Variants in MAP2K5 observed in about 807,000 individuals in gnomAD.
The protein encoded by MAP2K5 is dual specificity mitogen-activated protein kinase kinase 5.
MAP2K5 carries 49 observed loss-of-function variants against 83.1 expected under a neutral mutation model. The observed-to-expected ratio is 0.59, with a 90% CI of 0.47 to 0.75. The LOEUF (loss-of-function observed/expected upper bound fraction) is 0.75, where lower values mean the gene tolerates loss of function less well. MAP2K5 is among the 30% of genes least tolerant of loss of function. MAP2K5 has a pLI of 0.00. For synonymous variants in MAP2K5, 202 were observed against 191.8 expected (o/e 1.05, Z -0.44); for missense variants, 457 against 557.5 (o/e 0.82, Z 1.82).
intron 13 of MAP2K5, among the ~76,000 whole-genome samples, chr15:67,688,014 A>G (rs2088000201): frequency 6.6e-6 from 1 of 152,206 alleles, no homozygotes; most frequent in South Asian, 2.1e-4. Flanking sequence ...ACTGCATACT[A>G]CGTGGTTAGG....
rs1296409720 is a variant in MAP2K5, at chr15:67,747,808, T to G, written c.1075-423T>G. Among the ~76,000 whole-genome samples the G allele has an allele frequency of 2.0e-5, 3 of 152,206 alleles. No homozygotes were observed. Among genetic ancestry groups the G allele is most frequent in the Non-Finnish European group, 4.4e-5 (3 of 68,034 alleles). ...GCAGACACTGGCAGGAATCCAAAAT[T>G]CTAATTTCTGACTATGATTTAATTT... On this transcript the variant is annotated intron_variant, in intron 17 of 21. Coordinates refer to ENST00000178640, the MANE Select transcript of MAP2K5 (RefSeq NM_145160.3). The surrounding 1 kb of genome is among the most constrained non-coding windows in gnomAD (Gnocchi z 4.1).
chr15:67,692,550 C>A lies in MAP2K5; in HGVS notation c.919C>A (p.Gln307Lys). 1 of 1,610,954 alleles carries A rather than the reference C, an allele frequency of 6.2e-7. No individual in the cohort carries two copies. Among genetic ancestry groups the A allele is most frequent in the South Asian group, 1.1e-5 (1 of 90,950 alleles). Residue 307 changes from glutamine to lysine, a missense_variant and splice_region_variant, in exon 14 of 22, where the codon CAG (glutamine) becomes AAG (lysine). Physicochemically the swap from Gln to Lys is moderately conservative, Grantham distance 53. This residue lies in a region of MAP2K5 where 168 missense variants were observed against 263.0 expected (regional missense o/e 0.64). Coordinates refer to ENST00000178640, the MANE Select transcript of MAP2K5 (RefSeq NM_145160.3). ...GCTGTGTGATTTTGGAGTTAGCACT[C>A]AGGTATGTCTCTTTTCCTCCCAGTG... ...VKLCDFGVST[Q>K]LVNSIAKTYV...
In MAP2K5 at chr15:67,717,095, T is replaced by A. The variant is rs1428407204; in HGVS notation, c.1045-10821T>A. On this transcript the variant is annotated intron_variant, in intron 16 of 21. Coordinates refer to ENST00000178640, the MANE Select transcript of MAP2K5 (RefSeq NM_145160.3). This position sits in a 1 kb window ranked among gnomAD's most constrained non-coding sequence, Gnocchi z 4.1. The stretch of plus-strand genomic sequence containing the variant: ...CTTTAGGAAAGTAGATCAAGTAGTT[T>A]GAAAAAAGAAGAGATGAATGGTAAA... 6.6e-6 allele frequency among the ~76,000 whole-genome samples: 1 copy of A among 152,092 alleles called. No individual in the cohort carries two copies. The highest frequency in any genetic ancestry group is 1.5e-5 in the Non-Finnish European group (1 of 68,018).
chr15:67,732,563 G>GA (rs892341051), intron 17 of MAP2K5, among the ~76,000 whole-genome samples: 1 of 152,054 alleles, frequency 6.6e-6, no homozygotes, highest in Non-Finnish European at 1.5e-5. Context: ...TTAAAAAAAG[G>GA]AAAAAAATCT....
chr15:67,645,898 T>G (rs183577893), intron 9 of MAP2K5, among the ~76,000 whole-genome samples: 13 of 152,274 alleles, frequency 8.5e-5, no homozygotes, highest in Admixed American at 2.0e-4. Context: ...ATTCCTATGC[T>G]CCTCTTTTGA....
In MAP2K5 at chr15:67,746,319, C is replaced by G. The variant is rs532474054; in HGVS notation, c.1075-1912C>G. On this transcript the variant is annotated intron_variant, in intron 17 of 21. Transcript: ENST00000178640. This position sits in a 1 kb window ranked among gnomAD's most constrained non-coding sequence, Gnocchi z 4.1. Reference sequence around the variant, plus strand: ...AGAGAATGTTGTCATCCCCCTGACTCTTGGAAATTTGTGAAACACATTCTC... The same window carrying G: ...AGAGAATGTTGTCATCCCCCTGACTGTTGGAAATTTGTGAAACACATTCTC... Among the ~76,000 whole-genome samples the G allele has an allele frequency of 2.0e-5, 3 of 152,082 alleles. No individual in the cohort carries two copies. Among genetic ancestry groups the G allele is most frequent in the Non-Finnish European group, 4.4e-5 (3 of 68,028 alleles).
chr15:67,651,697 T>C (rs964682123), intron 11 of MAP2K5, among the ~76,000 whole-genome samples: 2 of 152,242 alleles, frequency 1.3e-5, no homozygotes, highest in Admixed American at 6.5e-5. Flanking sequence ...TTTCATTCTT[T>C]TTATGGCTGA....
At chr15:67,549,953 C>A in intron 1 of MAP2K5, 81 bp from the exon 2 acceptor site, 1 of 1,010,316 alleles carries the variant, frequency 9.9e-7, no homozygotes, top group Non-Finnish European at 1.6e-6. Flanking sequence ...TTCCCAGGTT[C>A]TCATATTTCC....
chr15:67,580,376 C>A (rs1341177870), intron 3 of MAP2K5, among the ~76,000 whole-genome samples: 1 of 152,088 alleles, frequency 6.6e-6, no homozygotes, highest in Non-Finnish European at 1.5e-5. Flanking sequence ...TAGGTCCAAG[C>A]CCAATGTGAA....
intron 4 of MAP2K5, 51 bp downstream of exon 4, chr15:67,580,874 C>A: frequency 8.5e-7 from 1 of 1,179,628 alleles, no homozygotes; most frequent in Non-Finnish European, 1.3e-6. Flanking sequence ...TAAACTGTTT[C>A]ATCAACAGTT....
rs529062727 is a variant in MAP2K5 at position 67,719,772 on chromosome 15, G to A, written c.1045-8144G>A. On this transcript the variant is annotated intron_variant, in intron 16 of 21. Coordinates refer to ENST00000178640, the MANE Select transcript of MAP2K5 (RefSeq NM_145160.3). This position sits in a 1 kb window ranked among gnomAD's most constrained non-coding sequence, Gnocchi z 4.6. ...TCCAGATAGGAAAACTGCCCTCAGTGTTGCATTTTGAGCTATGCAAACATT... is the reference window on the plus strand; with the variant it reads ...TCCAGATAGGAAAACTGCCCTCAGTATTGCATTTTGAGCTATGCAAACATT... Among the ~76,000 whole-genome samples, 2 of 152,292 alleles carry A rather than the reference G, an allele frequency of 1.3e-5. No homozygotes were observed. Among genetic ancestry groups the A allele is most frequent in the African/African-American group, 4.8e-5 (2 of 41,562 alleles).
intron 17 of MAP2K5, among the ~76,000 whole-genome samples, chr15:67,739,817 C>A (rs1195447847): frequency 6.6e-6 from 1 of 152,022 alleles, no homozygotes; most frequent in Admixed American, 6.6e-5. Flanking sequence ...CCCATATGAA[C>A]CATGTATTGG....
intron 8 of MAP2K5, among the ~76,000 whole-genome samples, chr15:67,612,282 A>G (rs2085942312): frequency 6.6e-6 from 1 of 152,108 alleles, no homozygotes; most frequent in South Asian, 2.1e-4. Context: ...TTCTAAATGG[A>G]TTGGAGAATA....
At chr15:67,673,478 G>A (rs1173607337) in intron 13 of MAP2K5, among the ~76,000 whole-genome samples, 1 of 152,090 alleles carries the variant, frequency 6.6e-6, no homozygotes, top group African/African-American at 2.4e-5. Flanking sequence ...TATTAAATGG[G>A]AAAAGAGAAA....
At chr15:67,713,020 G>A (rs4398061) in intron 16 of MAP2K5, among the ~76,000 whole-genome samples, 149,564 of 152,344 alleles carry the variant, frequency 0.98, 73,478 homozygotes, top group East Asian at 1. Flanking sequence ...AAGAACAGAG[G>A]AAACAAAGGG....
At chr15:67,580,309 T>G (rs1352089050) in intron 3 of MAP2K5, among the ~76,000 whole-genome samples, 1 of 152,216 alleles carries the variant, frequency 6.6e-6, no homozygotes, top group Non-Finnish European at 1.5e-5. Context: ...GTGATTTCGA[T>G]TTCCATTATC....
Position 67,592,917 on chromosome 15 carries a change from C to T in MAP2K5, c.432-9C>T. On this transcript the variant is annotated splice_polypyrimidine_tract_variant and intron_variant, in intron 6 of 21. Transcript: ENST00000178640. ...GATCTTGCCACTAAAAATTATCTTT[C>T]CTTTTCAGCTTAAAGAAGTCTTCTG... 1 of 1,603,576 alleles carries T rather than the reference C, an allele frequency of 6.2e-7. No individual in the cohort carries two copies. The highest frequency in any genetic ancestry group is 8.5e-7 in the Non-Finnish European group (1 of 1,172,454).
intron 6 of MAP2K5, among the ~76,000 whole-genome samples, chr15:67,588,868 T>G (rs2085338604): frequency 6.6e-6 from 1 of 152,204 alleles, no homozygotes; most frequent in Admixed American, 6.5e-5. Context: ...CAAGTTAGAG[T>G]GCAGTGGCAC....
At chr15:67,699,258 A>G (rs1163127929) in intron 15 of MAP2K5, among the ~76,000 whole-genome samples, 3 of 152,006 alleles carry the variant, frequency 2.0e-5, no homozygotes, top group African/African-American at 7.2e-5. Flanking sequence ...ATCACTGCTT[A>G]TTCCTGAGGG....
Sources: gnomAD v4.1 joint callset for allele counts (sites outside exome capture counted in the v4.1 genomes callset) on GRCh38, gnomAD v4.1.1 for gene constraint, gnomAD v4.1.1 regional missense constraint, Gnocchi (gnomAD v3.1) non-coding constraint, MANE v1.5 for transcripts, NCBI Gene and HGNC (gene_info 2026-07-23, HGNC 2026-07-21) for gene names.